The following TMEM117 variants were observed in gnomAD, a reference collection of about 807,000 sequenced individuals.
TMEM117 encodes the protein transmembrane protein 117.
A neutral mutation model predicts 52.4 loss-of-function variants in TMEM117; 27 were observed. The observed-to-expected ratio is 0.51, with a 90% CI of 0.38 to 0.71. The LOEUF (loss-of-function observed/expected upper bound fraction) is 0.71, where lower values mean the gene tolerates loss of function less well. Among genes scored for constraint, TMEM117 ranks in the 30% least tolerant of loss-of-function variants. The pLI is 0.00. For synonymous variants in TMEM117, 215 were observed against 206.3 expected, an observed-to-expected ratio of 1.04 and a Z score of -0.36; for missense variants, 556 against 630.5, an observed-to-expected ratio of 0.88 and a Z score of 1.26.
intron 4 of TMEM117, among the ~76,000 whole-genome samples, chr12:44,154,182 A>G (rs150197370): frequency 4.0e-4 from 61 of 152,232 alleles, no homozygotes; most frequent in Non-Finnish European, 7.4e-4. Context: ...TCAATTAAGC[A>G]TGCAACAGCA....
At chr12:43,939,832 C>T (rs990181574) in intron 2 of TMEM117, among the ~76,000 whole-genome samples, 4 of 152,238 alleles carry the variant, frequency 2.6e-5, no homozygotes, top group South Asian at 2.1e-4. Flanking sequence ...GAGATTTAAT[C>T]GACTCTTAAT....
At chr12:43,806,172 C>G in the TMEM117 span, 1 of 1,537,364 alleles carries the variant, frequency 6.5e-7, no homozygotes, top group Non-Finnish European at 8.7e-7. Context: ...CCGGCTCTCC[C>G]GGCTCTCCCG....
chr12:44,059,762 A>G (rs1168818647), intron 3 of TMEM117, among the ~76,000 whole-genome samples: 2 of 152,162 alleles, frequency 1.3e-5, no homozygotes, highest in Non-Finnish European at 2.9e-5. Flanking sequence ...AGCAGAATAA[A>G]TTGCCACCAA....
intron 4 of TMEM117, among the ~76,000 whole-genome samples, chr12:44,147,695 G>A (rs1356245742): frequency 6.6e-6 from 1 of 152,090 alleles, no homozygotes. Flanking sequence ...CAGCACTTGG[G>A]AGGCTGAGAC....
intron 2 of TMEM117, among the ~76,000 whole-genome samples, chr12:43,856,289 T>C (rs1055994382): frequency 6.6e-6 from 1 of 152,360 alleles, no homozygotes; most frequent in African/African-American, 2.4e-5. Context: ...TGTGTCACCA[T>C]CTTCATTCTC....
chr12:43,926,858 T>G (rs1350342343), intron 2 of TMEM117, among the ~76,000 whole-genome samples: 3 of 152,112 alleles, frequency 2.0e-5, no homozygotes, highest in Non-Finnish European at 2.9e-5. Context: ...TTTGTTGGTT[T>G]TATAAAACTT....
intron 4 of TMEM117, among the ~76,000 whole-genome samples, chr12:44,184,481 TG>T (rs1949249541): frequency 6.6e-6 from 1 of 152,040 alleles, no homozygotes; most frequent in African/African-American, 2.4e-5. Context: ...ATGGGGCAGA[TG>T]GGGAGGGGAG....
At chr12:44,191,291 A>T (rs559757203) in intron 4 of TMEM117, among the ~76,000 whole-genome samples, 131 of 152,188 alleles carry the variant, frequency 8.6e-4, no homozygotes, top group Non-Finnish European at 6.6e-4. Flanking sequence ...GCATGTAGGG[A>T]TTATAGGAAC....
At chr12:44,326,202 T>TTTTTTG in intron 6 of TMEM117, among the ~76,000 whole-genome samples, 1 of 141,344 alleles carries the variant, frequency 7.1e-6, no homozygotes, top group African/African-American at 3.2e-5. Flanking sequence ...TTGTTTTTTG[T>TTTTTTG]TTTTTATTTA....
chr12:43,832,286 A>T (rs1942987477), upstream of TMEM117, among the ~76,000 whole-genome samples: 1 of 152,208 alleles, frequency 6.6e-6, no homozygotes, highest in Non-Finnish European at 1.5e-5. Context: ...GTTTGATAGG[A>T]AGGAAGAATG....
intron 4 of TMEM117, among the ~76,000 whole-genome samples, chr12:44,203,254 G>T (rs1251376569): frequency 6.6e-6 from 1 of 152,252 alleles, no homozygotes; most frequent in East Asian, 1.9e-4. Flanking sequence ...CCATAGAAAT[G>T]CTTACAGCAG....
At chr12:44,131,661 C>T (rs940793728) in intron 3 of TMEM117, among the ~76,000 whole-genome samples, 1 of 152,038 alleles carries the variant, frequency 6.6e-6, no homozygotes, top group African/African-American at 2.4e-5. Context: ...TTTGATAGCA[C>T]ACTGTATCTT....
chr12:43,920,901 T>G (rs1176105624), intron 2 of TMEM117, among the ~76,000 whole-genome samples: 2 of 152,166 alleles, frequency 1.3e-5, no homozygotes, highest in African/African-American at 4.8e-5. Context: ...CACCCTCCTG[T>G]GGTTCCCTCC....
the TMEM117 span, among the ~76,000 whole-genome samples, chr12:43,811,265 T>C: frequency 6.6e-6 from 1 of 152,180 alleles, no homozygotes; most frequent in South Asian, 2.1e-4. Flanking sequence ...CCTTTTCTAT[T>C]TCCCTTCCCC....
intron 2 of TMEM117, among the ~76,000 whole-genome samples, chr12:43,854,053 G>A (rs1160644041): frequency 6.6e-6 from 1 of 152,132 alleles, no homozygotes; most frequent in Admixed American, 6.5e-5. Flanking sequence ...TGAAAAGGTA[G>A]GTTGGGCCAA....
intron 6 of TMEM117, among the ~76,000 whole-genome samples, chr12:44,355,055 A>G (rs1354513406): frequency 2.0e-5 from 3 of 152,018 alleles, no homozygotes; most frequent in Non-Finnish European, 2.9e-5. Context: ...ACCCAAAGTA[A>G]ATGGATATAT....
intron 6 of TMEM117, among the ~76,000 whole-genome samples, chr12:44,319,112 A>G (rs1047497084): frequency 3.9e-5 from 6 of 152,168 alleles, no homozygotes; most frequent in African/African-American, 7.2e-5. Context: ...AATTCTGGCT[A>G]TGGAGGCCTC....
chr12:44,075,472 A>G (rs2079057409), intron 3 of TMEM117, among the ~76,000 whole-genome samples: 3 of 152,226 alleles, frequency 2.0e-5, no homozygotes, highest in Admixed American at 2.0e-4. Context: ...TTTTTGAACA[A>G]GGAGATCCAT....
chr12:44,010,259 A>C (rs1946268516), intron 3 of TMEM117: 1 of 459,696 alleles, frequency 2.2e-6, no homozygotes, highest in Admixed American at 2.3e-5. Context: ...TCTTCCTAAG[A>C]GCACTTCAGT....
Sources: allele counts gnomAD v4.1 joint callset (sites outside exome capture counted in the v4.1 genomes callset), GRCh38; gene constraint gnomAD v4.1.1; transcripts MANE v1.5; gene names NCBI Gene and HGNC (gene_info 2026-07-23, HGNC 2026-07-21).